PLXNA2: variants seen among roughly 807,000 people sequenced by gnomAD.
PLXNA2 encodes the protein plexin-A2.
In PLXNA2, 91 loss-of-function variants were observed where a neutral mutation model predicts 193.5. That is an observed-to-expected ratio of 0.47 (90% CI 0.40 to 0.56). The LOEUF is 0.56. Among genes scored for constraint, PLXNA2 ranks in the 20% least tolerant of loss-of-function variants. The pLI is 0.00. For missense variants in PLXNA2, 1,995 were observed against 2,503.2 expected, an observed-to-expected ratio of 0.80 and a Z score of 4.33; for synonymous variants, 997 against 1,027.3, an observed-to-expected ratio of 0.97 and a Z score of 0.56.
rs1209961709 is a variant in PLXNA2 at position 208,098,594 on chromosome 1, G to A, written c.1731+252C>T. On this transcript the variant is annotated intron_variant, in intron 6 of 31. Transcript: ENST00000367033. ...TGGTATTGGACTGCATTATGTTGCA[G>A]ATGTTTGTTACTAAATGCAAAAATC... Among the ~76,000 whole-genome samples the A allele has an allele frequency of 2.0e-5, 3 of 152,124 alleles. No individual in the cohort carries two copies. In the East Asian group the frequency reaches 5.8e-4, roughly 29 times the overall value.
intron 4 of PLXNA2, among the ~76,000 whole-genome samples, chr1:208,140,053 T>C (rs1668417326): frequency 6.6e-6 from 1 of 152,196 alleles, no homozygotes; most frequent in South Asian, 2.1e-4. Context: ...ACCCAAATTC[T>C]TCCTATCTCT....
At chr1:208,189,786 C>T (rs1222636345) in intron 3 of PLXNA2, among the ~76,000 whole-genome samples, 1 of 152,192 alleles carries the variant, frequency 6.6e-6, no homozygotes, top group Non-Finnish European at 1.5e-5. Context: ...CTACTCTTCC[C>T]ACTACACACA....
chr1:208,032,250 GA>G, intron 28 of PLXNA2: 10 of 531,522 alleles, frequency 1.9e-5, no homozygotes, highest in Non-Finnish European at 2.2e-5. Flanking sequence ...GAATGTGGGT[GA>G]AGGGTCTAGA....
At chr1:208,218,527 T>G (rs1192585185) in intron 1 of PLXNA2, among the ~76,000 whole-genome samples, 2 of 152,172 alleles carry the variant, frequency 1.3e-5, no homozygotes, top group Admixed American at 6.5e-5. Flanking sequence ...CTCCGCTGCA[T>G]CTCTTCACTT....
At chr1:208,078,189 T>C (rs1015246120) in intron 12 of PLXNA2, among the ~76,000 whole-genome samples, 6 of 152,208 alleles carry the variant, frequency 3.9e-5, no homozygotes, top group Admixed American at 1.3e-4. Context: ...TTATTTCCCA[T>C]GGTGGTTGTG....
rs750215125 is a variant in PLXNA2 at position 208,236,187 on chromosome 1, T to G, written c.-81+7456A>C. On this transcript the variant is annotated intron_variant, in intron 1 of 31. Transcript: ENST00000367033. The surrounding 1 kb of genome is among the most constrained non-coding windows in gnomAD (Gnocchi z 4.4). ...GGAGCCTGGGTCTTCCTGTCTGGCT[T>G]GGGCTGGGCTCCCGCTAAGAACGCT... 5.9e-5 allele frequency among the ~76,000 whole-genome samples: 9 copies of G among 152,160 alleles called. No homozygotes were observed. The highest frequency in any genetic ancestry group is 1.3e-4 in the Non-Finnish European group (9 of 68,018).
intron 29 of PLXNA2, 115 bp from the exon 30 acceptor site, chr1:208,029,157 T>G: frequency 6.7e-7 from 1 of 1,497,342 alleles, no homozygotes; most frequent in South Asian, 1.3e-5. Context: ...GGCAAAGGAG[T>G]AAAATGGAAG....
chr1:208,138,556 T>C (rs2102478277), intron 4 of PLXNA2, among the ~76,000 whole-genome samples: 1 of 152,376 alleles, frequency 6.6e-6, no homozygotes, highest in Middle Eastern at 3.4e-3. Flanking sequence ...AAGATGCTCA[T>C]ATGAGCACAT....
At chr1:208,157,409 G>A (rs1353453063) in intron 3 of PLXNA2, among the ~76,000 whole-genome samples, 1 of 152,166 alleles carries the variant, frequency 6.6e-6, no homozygotes, top group Non-Finnish European at 1.5e-5. Flanking sequence ...ATTATGCTCA[G>A]GTCTTTTCTT....
intron 5 of PLXNA2, among the ~76,000 whole-genome samples, 169 bp from the exon 6 acceptor site, chr1:208,099,138 G>A (rs577245324): frequency 1.3e-5 from 2 of 152,170 alleles, no homozygotes; most frequent in Admixed American, 6.5e-5. Context: ...GACAGTCTCC[G>A]TCGCAGTTAA....
chr1:208,161,250 A>G (rs1166797857), intron 3 of PLXNA2, among the ~76,000 whole-genome samples: 2 of 152,178 alleles, frequency 1.3e-5, no homozygotes, highest in African/African-American at 2.4e-5. Context: ...CAGGCATTTG[A>G]ATGAACCACA....
Position 208,039,978 on chromosome 1 carries a change from A to G in PLXNA2, c.4353+14T>C. 1 of 1,613,044 alleles carries G rather than the reference A, an allele frequency of 6.2e-7. No homozygotes were observed. The highest frequency in any genetic ancestry group is 8.5e-7 in the Non-Finnish European group (1 of 1,179,240). ...TGCCCTGGACGCTAGGCCCCGTCTC[A>G]CTCCCTTTCTCACCTTTAGGAACTT... On this transcript the variant is annotated intron_variant, in intron 23 of 31. Coordinates refer to ENST00000367033, the MANE Select transcript of PLXNA2 (RefSeq NM_025179.4).
In PLXNA2 at chr1:208,044,338, A is replaced by C. The variant is rs187345133; in HGVS notation, c.3874+170T>G. On this transcript the variant is annotated intron_variant, in intron 20 of 31. Coordinates refer to ENST00000367033, the MANE Select transcript of PLXNA2 (RefSeq NM_025179.4). The surrounding 1 kb of genome is among the most constrained non-coding windows in gnomAD (Gnocchi z 4.9). ...ATGCAGTGGGCATTCTTCATTGGAC[A>C]TCTCTGACCCTATAAGCAAAAGAAG... Among the ~76,000 whole-genome samples the C allele has an allele frequency of 4.5e-4, 69 of 152,354 alleles. No homozygotes were observed. Among genetic ancestry groups the C allele is most frequent in the Non-Finnish European group, 8.8e-4 (60 of 68,042 alleles).
intron 3 of PLXNA2, among the ~76,000 whole-genome samples, chr1:208,154,477 C>T (rs1668876536): frequency 6.6e-6 from 1 of 152,188 alleles, no homozygotes; most frequent in Non-Finnish European, 1.5e-5. Context: ...TGGACAGCCA[C>T]ATCATCGCAC....
At chr1:208,058,019 T>G (rs1479514192) in intron 13 of PLXNA2, among the ~76,000 whole-genome samples, 3 of 152,320 alleles carry the variant, frequency 2.0e-5, no homozygotes, top group South Asian at 2.1e-4. Context: ...GAGCTAAGGC[T>G]TGAGCACCAG....
intron 1 of PLXNA2, among the ~76,000 whole-genome samples, chr1:208,225,313 G>GT (rs997948663): frequency 6.6e-6 from 1 of 152,032 alleles, no homozygotes; most frequent in African/African-American, 2.4e-5. Context: ...TTTTGGTTTG[G>GT]TTTTTTTGAG....
At chr1:208,032,950 C>T (rs1664548350) in intron 28 of PLXNA2, among the ~76,000 whole-genome samples, 1 of 152,160 alleles carries the variant, frequency 6.6e-6, no homozygotes, top group Non-Finnish European at 1.5e-5. Context: ...GATATATTTG[C>T]TATTTTTGCC....
chr1:208,126,785 G>C (rs1667986463), intron 4 of PLXNA2, among the ~76,000 whole-genome samples: 1 of 152,014 alleles, frequency 6.6e-6, no homozygotes, highest in African/African-American at 2.4e-5. Flanking sequence ...CTTCCTGCCT[G>C]CCCTGCCTTC....
intron 4 of PLXNA2, among the ~76,000 whole-genome samples, chr1:208,117,679 C>T (rs1667680814): frequency 6.6e-6 from 1 of 152,158 alleles, no homozygotes; most frequent in South Asian, 2.1e-4. Context: ...TCAGAAATAT[C>T]CACCAGGCCT....
Sources: allele counts gnomAD v4.1 joint callset (sites outside exome capture counted in the v4.1 genomes callset), GRCh38; gene constraint gnomAD v4.1.1; non-coding constraint Gnocchi (gnomAD v3.1); transcripts MANE v1.5; gene names NCBI Gene and HGNC (gene_info 2026-07-23, HGNC 2026-07-21).